CRYGD: variants seen among roughly 807,000 people sequenced by gnomAD.
The protein encoded by CRYGD is gamma-crystallin D.
In CRYGD, 13 loss-of-function variants were observed where a neutral mutation model predicts 11.3. The observed-to-expected ratio is 1.15, with a 90% CI of 0.75 to 1.83. The LOEUF (loss-of-function observed/expected upper bound fraction) is 1.83. CRYGD is among the 40% of genes most tolerant of loss of function. The probability of loss-of-function intolerance (pLI) is 0.00; values close to 1 mark genes in which losing one functional copy is unlikely to be tolerated. For missense variants in CRYGD, 231 were observed against 229.9 expected (o/e 1.00, Z -0.03); for synonymous variants, 77 against 89.5 (o/e 0.86, Z 0.79).
In CRYGD at chr2:208,124,365, A is replaced by T. The variant is rs916905730; in HGVS notation, c.10-11T>A. ...CTCGTAGAGGGTGATCTGCAAGGCA[A>T]GGCGGGACAAGGCGAGGTCTCACAG... On this transcript the variant is annotated splice_polypyrimidine_tract_variant and intron_variant, in intron 1 of 2. Coordinates refer to ENST00000264376, the MANE Select transcript of CRYGD (RefSeq NM_006891.4). 6.2e-7 allele frequency: 1 copy of T among 1,610,980 alleles called. No individual in the cohort carries two copies. The highest frequency in any genetic ancestry group is 8.5e-7 in the Non-Finnish European group (1 of 1,179,156).
chr2:208,124,078 G>A (rs1476850638), intron 2 of CRYGD, 34 bp downstream of exon 2: 1 of 1,611,532 alleles, frequency 6.2e-7, no homozygotes, highest in Admixed American at 1.7e-5. Context: ...TGAGTGTCCT[G>A]AGGGCCTGGG....
rs753205493 is a variant in CRYGD at position 208,124,180 on chromosome 2, C to T, written c.184G>A (p.Asp62Asn). 6.8e-6 allele frequency: 11 copies of T among 1,611,550 alleles called. No individual in the cohort carries two copies. In the Admixed American group the frequency reaches 1.3e-4, roughly 20 times the overall value. The stretch of plus-strand genomic sequence containing the variant: ...ATCCACTGCTGGTGGTCGGCATAGT[C>T]GCCGCGGCGCAGGAAGTACTGGAGG... ...SGLQYFLRRG[D>N]YADHQQWMGL... Residue 62 changes from aspartate (D) to asparagine (N), a missense_variant, in exon 2 of 3, where the codon GAC becomes AAC. Physicochemically the swap from Asp to Asn is conservative, Grantham distance 23. Coordinates refer to ENST00000264376, the MANE Select transcript of CRYGD (RefSeq NM_006891.4).
At chr2:208,122,419 TTA>T (rs902498150) in intron 2 of CRYGD, among the ~76,000 whole-genome samples, 86 of 147,830 alleles carry the variant, frequency 5.8e-4, no homozygotes, top group Non-Finnish European at 1.1e-3. Flanking sequence ...ATGTATAAAA[TTA>T]TATTTTATTT....
At chr2:208,122,582 G>A (rs1694885144) in intron 2 of CRYGD, among the ~76,000 whole-genome samples, 1 of 149,620 alleles carries the variant, frequency 6.7e-6, no homozygotes, top group South Asian at 2.1e-4. Context: ...GAAATATAAG[G>A]GGTGGGGCAG....
At position 208,124,135 on chromosome 2, in the gene CRYGD, G is replaced by A. The variant is rs375824046; in HGVS notation, c.229C>T (p.Arg77Cys). 22 of 1,611,488 alleles carry A rather than the reference G, an allele frequency of 1.4e-5. No individual in the cohort carries two copies. The highest frequency in any genetic ancestry group is 2.7e-5 in the African/African-American group (2 of 74,848). Residue 77 changes from arginine to cysteine, a missense_variant, in exon 2 of 3, where the codon CGC becomes TGC. Physicochemically the swap from Arg to Cys is radical, Grantham distance 180. Transcript: ENST00000264376. ...QQWMGLSDSV[R>C]SCRLIPHSGS... is the part of the protein sequence containing the mutation. Reference sequence around the variant, plus strand: ...ACGTGGGGGATGAGGCGGCAGGAGCGGACCGAGTCGCTGAGGCCCATCCAC... The same window carrying A: ...ACGTGGGGGATGAGGCGGCAGGAGCAGACCGAGTCGCTGAGGCCCATCCAC...
intron 2 of CRYGD, 78 bp from the exon 3 acceptor site, chr2:208,122,023 G>A: frequency 1.6e-5 from 26 of 1,603,340 alleles, no homozygotes; most frequent in Non-Finnish European, 2.2e-5. Flanking sequence ...GTCCAGCTTG[G>A]TGAGGACCCG....
rs1250795312 is a variant in CRYGD, at chr2:208,124,264, T to G, written c.100A>C (p.Asn34His). The G allele has an allele frequency of 6.2e-7, 1 of 1,612,278 alleles. No homozygotes were observed. Among genetic ancestry groups the G allele is most frequent in the East Asian group, 2.2e-5 (1 of 44,844 alleles). Residue 34 changes from asparagine to histidine, a missense_variant, in exon 2 of 3, where the codon AAC becomes CAC. Asn to His is a moderately conservative substitution (Grantham distance 68). Coordinates refer to ENST00000264376, the MANE Select transcript of CRYGD (RefSeq NM_006891.4). Reference sequence around the variant, plus strand: ...CAGCCGCTGTCCACGCGCGCCGAGTTGCAGCGGCTCAAGTAGGGCTGCAGG... The same window carrying G: ...CAGCCGCTGTCCACGCGCGCCGAGTGGCAGCGGCTCAAGTAGGGCTGCAGG... ...PNLQPYLSRCNSARVDSGCWM... is the reference protein window; with the variant it reads ...PNLQPYLSRCHSARVDSGCWM...
At chr2:208,122,858 A>T (rs936852406) in intron 2 of CRYGD, among the ~76,000 whole-genome samples, 229 of 150,478 alleles carry the variant, frequency 1.5e-3, no homozygotes, top group African/African-American at 5.1e-3. Context: ...GTCAAAAAAA[A>T]TAATAATAAT....
chr2:208,122,371 ATATT>A (rs1249764634), intron 2 of CRYGD, among the ~76,000 whole-genome samples: 1 of 148,062 alleles, frequency 6.8e-6, no homozygotes, highest in African/African-American at 2.4e-5. Context: ...TATCTAATAC[ATATT>A]TAATTATATA....
In CRYGD at chr2:208,124,513, G is replaced by A. The variant is rs113618781; in HGVS notation, c.-40C>T. 312 of 1,537,792 alleles carry A rather than the reference G, an allele frequency of 2.0e-4. No individual in the cohort carries two copies. In the Middle Eastern group the frequency reaches 8.2e-3, roughly 40 times the overall value. Reference sequence around the variant, plus strand: ...ACGGCGGTGCTGAGCTGGTGGGGCGGCGGCGCTGAGCGGGTGGGGCTGCGG... The same window carrying A: ...ACGGCGGTGCTGAGCTGGTGGGGCGACGGCGCTGAGCGGGTGGGGCTGCGG... On this transcript the variant is annotated 5_prime_UTR_variant, in exon 1 of 3. Transcript: ENST00000264376.
intron 2 of CRYGD, among the ~76,000 whole-genome samples, chr2:208,123,781 C>T (rs1406372459): frequency 2.0e-5 from 3 of 152,192 alleles, no homozygotes; most frequent in Non-Finnish European, 4.4e-5. Flanking sequence ...CTGCTGTACG[C>T]TCTAGCATTT....
At chr2:208,122,130 T>C (rs991078146) in intron 2 of CRYGD, among the ~76,000 whole-genome samples, 185 bp from the exon 3 acceptor site, 2 of 152,120 alleles carry the variant, frequency 1.3e-5, no homozygotes, top group African/African-American at 4.8e-5. Context: ...CTTTTCAAGA[T>C]TATGAAGTGT....
intron 2 of CRYGD, 67 bp downstream of exon 2, chr2:208,124,045 A>G: frequency 6.2e-7 from 1 of 1,607,268 alleles, no homozygotes; most frequent in South Asian, 1.1e-5. Context: ...TCTAATGTTT[A>G]ACTTTTGCTT....
At position 208,124,488 on chromosome 2, in the gene CRYGD, A is replaced by G; in HGVS notation, c.-15T>C. The G allele has an allele frequency of 1.3e-6, 2 of 1,566,334 alleles. No individual in the cohort carries two copies. The highest frequency in any genetic ancestry group is 1.7e-6 in the Non-Finnish European group (2 of 1,156,996). On this transcript the variant is annotated 5_prime_UTR_variant, in exon 1 of 3. Coordinates refer to ENST00000264376, the MANE Select transcript of CRYGD (RefSeq NM_006891.4). ...ACCTTCCCCATGGCTGGCTGGGCGC[A>G]CGGCGGTGCTGAGCTGGTGGGGCGG...
At chr2:208,124,439 G>A (rs1262397503) in intron 1 of CRYGD, 26 bp downstream of exon 1, 1 of 1,586,508 alleles carries the variant, frequency 6.3e-7, no homozygotes, top group Non-Finnish European at 8.6e-7. Flanking sequence ...GAAGCTCCGG[G>A]GTCCCGGGGC....
chr2:208,122,214 C>T (rs1171578590), intron 2 of CRYGD, among the ~76,000 whole-genome samples: 1 of 151,910 alleles, frequency 6.6e-6, no homozygotes, highest in African/African-American at 2.4e-5. Flanking sequence ...GCCTCCTAGG[C>T]TCAGTATCCT....
At position 208,121,795 on chromosome 2, in the gene CRYGD, C is replaced by T. The variant is rs543971587; in HGVS notation, c.403G>A (p.Glu135Lys). ...NVLEGSWVLY[E>K]LSNYRGRQYL... ...TGCCGTCCTCGGTAGTTGGACAGCTCGTAGAGGACCCAGGAGCCCTCCAGC... is the reference window on the plus strand; with the variant it reads ...TGCCGTCCTCGGTAGTTGGACAGCTTGTAGAGGACCCAGGAGCCCTCCAGC... Residue 135 changes from glutamate (E) to lysine (K), a missense_variant, in exon 3 of 3, where the codon GAG (glutamate) becomes AAG (lysine). Physicochemically the swap from Glu to Lys is moderately conservative, Grantham distance 56. Transcript: ENST00000264376. The T allele has an allele frequency of 1.3e-5, 21 of 1,614,086 alleles. No individual in the cohort carries two copies. The East Asian group carries it at 2.9e-4, about 22-fold the overall frequency.
In CRYGD at chr2:208,121,951, G is replaced by A. The variant is rs368167193; in HGVS notation, c.253-6C>T. On this transcript the variant is annotated splice_region_variant and splice_polypyrimidine_tract_variant and intron_variant, in intron 2 of 2. Coordinates refer to ENST00000264376, the MANE Select transcript of CRYGD (RefSeq NM_006891.4). Reference sequence around the variant, plus strand: ...CTGATCCTGTGAGAGCCAGACTGGCGGACCCAGAAATAAAAAGAGAAGAAA... The same window carrying A: ...CTGATCCTGTGAGAGCCAGACTGGCAGACCCAGAAATAAAAAGAGAAGAAA... 9.9e-6 allele frequency: 16 copies of A among 1,613,904 alleles called. No homozygotes were observed. Among genetic ancestry groups the A allele is most frequent in the East Asian group, 6.7e-5 (3 of 44,896 alleles).
rs771572996 is a variant in CRYGD at position 208,124,145 on chromosome 2, G to C, written c.219C>G (p.Ser73Arg). The C allele has an allele frequency of 8.0e-5, 129 of 1,611,502 alleles. No homozygotes were observed. Among genetic ancestry groups the C allele is most frequent in the Non-Finnish European group, 1.1e-4 (126 of 1,179,862 alleles). ...TGAGGCGGCAGGAGCGGACCGAGTC[G>C]CTGAGGCCCATCCACTGCTGGTGGT... ...YADHQQWMGL[S>R]DSVRSCRLIP... The change falls in exon 2 of 3, where the codon AGC (serine) becomes AGG (arginine). Residue 73 changes from serine (S) to arginine (R), a missense_variant. Coordinates refer to ENST00000264376, the MANE Select transcript of CRYGD (RefSeq NM_006891.4).
Sources: gnomAD v4.1 joint callset for allele counts (sites outside exome capture counted in the v4.1 genomes callset) on GRCh38, gnomAD v4.1.1 for gene constraint, MANE v1.5 for transcripts, NCBI Gene and HGNC (gene_info 2026-07-23, HGNC 2026-07-21) for gene names.